WFS1: variants seen among roughly 807,000 people sequenced by gnomAD.
WFS1 encodes the protein wolframin ER transmembrane glycoprotein, also known as wolframin.
WFS1 carries 90 observed loss-of-function variants against 68.5 expected under a neutral mutation model. The ratio of observed to expected loss-of-function variants is 1.31; its 90% CI spans 1.11 to 1.56. The LOEUF is 1.56. Ranked by LOEUF, WFS1 falls within the 40% of genes most tolerant of loss-of-function variation. The probability of loss-of-function intolerance (pLI) is 0.00; values close to 1 mark genes in which losing one functional copy is unlikely to be tolerated. For missense variants in WFS1, 1,767 were observed against 1,232.6 expected (o/e 1.43, Z -6.49); for synonymous variants, 860 against 540.7 (o/e 1.59, Z -8.19).
At chr4:6,279,764 C>T (rs1730101970) in intron 2 of WFS1, among the ~76,000 whole-genome samples, 1 of 152,222 alleles carries the variant, frequency 6.6e-6, no homozygotes, top group Non-Finnish European at 1.5e-5. Context: ...TTCAGGGCAT[C>T]AGGAAGACTG....
chr4:6,288,584 T>G (rs973149789), intron 3 of WFS1: 1 of 320,804 alleles, frequency 3.1e-6, no homozygotes, highest in Non-Finnish European at 6.1e-6. Context: ...TGCTAACCCT[T>G]GGTTAGCTGG....
Position 6,287,380 on chromosome 4 carries a change from G to A in WFS1, c.315+205G>A. 1 of 604,578 alleles carries A rather than the reference G, an allele frequency of 1.7e-6. No individual in the cohort carries two copies. The highest frequency in any genetic ancestry group is 3.0e-6 in the Non-Finnish European group (1 of 332,912). 37.5% of individuals were successfully genotyped at this position (604,578 alleles called of 1,614,324 possible). The stretch of plus-strand genomic sequence containing the variant: ...GTTTTCCTCCTGGCACTCCTCTGGG[G>A]AGCAGCGCTCATCCCCCTTTTGTCC... On this transcript the variant is annotated intron_variant, in intron 3 of 7. Transcript: ENST00000226760. This position sits in a 1 kb window ranked among gnomAD's most constrained non-coding sequence, Gnocchi z 6.4.
At chr4:6,298,155 C>T (rs552987197) in intron 7 of WFS1, among the ~76,000 whole-genome samples, 1 of 152,328 alleles carries the variant, frequency 6.6e-6, no homozygotes, top group African/African-American at 2.4e-5. Context: ...GGCCAGGCCA[C>T]CTTTAGTTGT....
At chr4:6,294,345 G>A (rs1226002041) in intron 6 of WFS1, among the ~76,000 whole-genome samples, 5 of 152,180 alleles carry the variant, frequency 3.3e-5, no homozygotes, top group Admixed American at 3.3e-4. Context: ...GGAGGGATCA[G>A]TGGGCACGTA....
intron 4 of WFS1, among the ~76,000 whole-genome samples, chr4:6,289,909 CT>C (rs1239899850): frequency 2.0e-5 from 3 of 152,120 alleles, no homozygotes; most frequent in Admixed American, 6.5e-5. Flanking sequence ...CCAGAAGCAA[CT>C]CCCCATATTT....
chr4:6,278,510 A>G (rs971242270), intron 2 of WFS1, among the ~76,000 whole-genome samples: 2 of 152,132 alleles, frequency 1.3e-5, no homozygotes, highest in African/African-American at 4.8e-5. Flanking sequence ...AGCCTTTTCC[A>G]TGTGCCTGCA....
rs112949036 is a variant in WFS1 at position 6,282,551 on chromosome 4, G to A, written c.233-4542G>A. Among the ~76,000 whole-genome samples the A allele has an allele frequency of 6.0e-3, 917 of 152,282 alleles. 5 individuals are homozygous for A. Among genetic ancestry groups the A allele is most frequent in the Middle Eastern group, 0.02 (6 of 294 alleles). ...ATTTATTTACCACATGCCTAAGATC[G>A]CACTCTTAAGAGCATTTGACATACA... On this transcript the variant is annotated intron_variant, in intron 2 of 7. Transcript: ENST00000226760.
At chr4:6,299,525 GTGTATAGGGGTGGGTTGTGTGAA>G (rs1730770726) in intron 7 of WFS1, among the ~76,000 whole-genome samples, 3 of 138,400 alleles carry the variant, frequency 2.2e-5, no homozygotes, top group Admixed American at 7.4e-5. Flanking sequence ...GTGTGTGAAT[GTGTATAGGGGTGGGTTGTGTGAA>G]TGTGTGTGTA....
chr4:6,301,682 G>T lies in WFS1; in HGVS notation c.1887G>T (p.Arg629=). 1 of 1,614,100 alleles carries T rather than the reference G, an allele frequency of 6.2e-7. No homozygotes were observed. The highest frequency in any genetic ancestry group is 8.5e-7 in the Non-Finnish European group (1 of 1,180,038). ...SVVGMVKSLT[R]SSMVKLILVW... ...TGGGGATGGTGAAGTCCCTGACGCG[G>T]AGCTCCATGGTCAAGCTCATCCTGG... The change falls in exon 8 of 8, where the codon CGG becomes CGT. Residue 629 remains arginine (R), a synonymous_variant. Transcript: ENST00000226760.
chr4:6,279,943 A>G (rs1465597712), intron 2 of WFS1, among the ~76,000 whole-genome samples: 2 of 152,188 alleles, frequency 1.3e-5, no homozygotes, highest in Non-Finnish European at 2.9e-5. Context: ...TGCTTCAGAA[A>G]CGTCACTGGG....
At position 6,289,052 on chromosome 4, in the gene WFS1, G is replaced by A; in HGVS notation, c.381G>A (p.Val127=). 6.2e-7 allele frequency: 1 copy of A among 1,601,788 alleles called. No individual in the cohort carries two copies. Among genetic ancestry groups the A allele is most frequent in the Non-Finnish European group, 8.5e-7 (1 of 1,174,834 alleles). ...TDEELNSCTA[V]DWLVLAAKQG... is the part of the protein sequence containing the mutation. ...AAGAACTCAACAGCTGCACCGCTGT[G>A]GACTGGCTGGTCCTCGCCGCGAAGC... The change falls in exon 4 of 8, where the codon GTG becomes GTA. Residue 127 remains valine, a synonymous_variant. Coordinates refer to ENST00000226760, the MANE Select transcript of WFS1 (RefSeq NM_006005.3).
chr4:6,297,396 C>T (rs1177418473), intron 7 of WFS1, among the ~76,000 whole-genome samples: 2 of 152,218 alleles, frequency 1.3e-5, no homozygotes, highest in East Asian at 3.8e-4. Flanking sequence ...GCCACCCTTA[C>T]TCCCACAAAG....
At position 6,274,702 on chromosome 4, in the gene WFS1, G is replaced by A. The variant is rs978836165; in HGVS notation, c.-5-2749G>A. Among the ~76,000 whole-genome samples the A allele has an allele frequency of 7.2e-5, 11 of 152,106 alleles. No individual in the cohort carries two copies. The East Asian group carries it at 7.7e-4, about 11-fold the overall frequency. ...TGCTTAGGGTCTAGGCTGGGGGAGGGGGGTAAGAAGGCATTCCGGGAAGAG... is the reference window on the plus strand; with the variant it reads ...TGCTTAGGGTCTAGGCTGGGGGAGGAGGGTAAGAAGGCATTCCGGGAAGAG... On this transcript the variant is annotated intron_variant, in intron 1 of 7. Coordinates refer to ENST00000226760, the MANE Select transcript of WFS1 (RefSeq NM_006005.3).
At position 6,301,739 on chromosome 4, in the gene WFS1, G is replaced by A. The variant is rs104893879; in HGVS notation, c.1944G>A (p.Trp648Ter). The change falls in exon 8 of 8, where the codon TGG (tryptophan) becomes TGA (stop). Residue 648 changes from tryptophan (W) to a stop codon, truncating the protein, a stop_gained. Coordinates refer to ENST00000226760, the MANE Select transcript of WFS1 (RefSeq NM_006005.3). LOFTEE classifies it high-confidence loss of function. ...TCACGGCCATCGTGCTGTTCTGCTG[G>A]TTCTATGTGTACCGCTCAGAGGGCA... is the stretch of plus-strand genomic sequence containing the variant. ...VWLTAIVLFC[W>*]FYVYRSEGMK... is the part of the protein sequence containing the mutation. 2.2e-5 allele frequency: 35 copies of A among 1,613,830 alleles called. No homozygotes were observed. The highest frequency in any genetic ancestry group is 4.4e-5 in the South Asian group (4 of 91,090).
chr4:6,282,953 G>C (rs959083276), intron 2 of WFS1, among the ~76,000 whole-genome samples: 4 of 152,210 alleles, frequency 2.6e-5, no homozygotes, highest in Non-Finnish European at 1.5e-5. Flanking sequence ...CCTGTGTACT[G>C]TCCAGCGTCG....
intron 1 of WFS1, among the ~76,000 whole-genome samples, chr4:6,272,754 T>G (rs1030055612): frequency 4.6e-5 from 7 of 152,256 alleles, no homozygotes; most frequent in African/African-American, 1.4e-4. Context: ...GGGCGTTTTC[T>G]TCCGTTTTTT....
rs147834269 is a variant in WFS1, at chr4:6,302,004, G to A, written c.2209G>A (p.Glu737Lys). The change falls in exon 8 of 8, where the codon GAG becomes AAG. Residue 737 changes from glutamate (E) to lysine (K), a missense_variant. Transcript: ENST00000226760. ...CGACTGGATGCGCTGCCTCTACGGC[G>A]AGGCCTACCCTGCCTGCAGCCCTGG... ...IGDWMRCLYG[E>K]AYPACSPGNT... is the part of the protein sequence containing the mutation. 9.3e-4 allele frequency: 1,504 copies of A among 1,612,666 alleles called. 26 individuals are homozygous for A. In the East Asian group the frequency reaches 0.029, roughly 31 times the overall value.
rs1294556030 is a variant in WFS1 at position 6,287,873 on chromosome 4, G to A, written c.315+698G>A. On this transcript the variant is annotated intron_variant, in intron 3 of 7. Transcript: ENST00000226760. The surrounding 1 kb of genome is among the most constrained non-coding windows in gnomAD (Gnocchi z 6.4). ...CCACAGTTATCCTGAGCAGTTTCCT[G>A]CCCCCTCTTCTCCCTAAAGAGGAGA... 6.6e-6 allele frequency among the ~76,000 whole-genome samples: 1 copy of A among 152,138 alleles called. No homozygotes were observed. The highest frequency in any genetic ancestry group is 1.5e-5 in the Non-Finnish European group (1 of 68,028).
chr4:6,300,311 C>T (rs1042060453), intron 7 of WFS1, among the ~76,000 whole-genome samples: 2 of 152,134 alleles, frequency 1.3e-5, no homozygotes, highest in Non-Finnish European at 2.9e-5. Context: ...ATGTGGGTGA[C>T]CCTGAGGGGA....
Sources: allele counts gnomAD v4.1 joint callset (sites outside exome capture counted in the v4.1 genomes callset), GRCh38; gene constraint gnomAD v4.1.1; non-coding constraint Gnocchi (gnomAD v3.1); transcripts MANE v1.5; gene names NCBI Gene and HGNC (gene_info 2026-07-23, HGNC 2026-07-21).